CNTN4: variants seen among roughly 807,000 people sequenced by gnomAD.
CNTN4 encodes contactin-4.
A neutral mutation model predicts 122.5 loss-of-function variants in CNTN4; 77 were observed. That is an observed-to-expected ratio of 0.63 (90% CI 0.52 to 0.76). CNTN4 has a LOEUF of 0.76. Among genes scored for constraint, CNTN4 ranks in the 30% least tolerant of loss-of-function variants. The probability of loss-of-function intolerance (pLI) is 0.00; values close to 1 mark genes in which losing one functional copy is unlikely to be tolerated. For missense variants in CNTN4, 1,256 were observed against 1,259.1 expected (o/e 1.00, Z 0.04); for synonymous variants, 512 against 447.0 (o/e 1.15, Z -1.83).
intron 3 of CNTN4, among the ~76,000 whole-genome samples, chr3:2,398,754 C>T (rs1416603512): frequency 2.6e-5 from 4 of 152,108 alleles, no homozygotes; most frequent in East Asian, 1.9e-4. Flanking sequence ...TGAGAGTTCC[C>T]TGAAACACTT....
intron 2 of CNTN4, among the ~76,000 whole-genome samples, chr3:2,320,997 T>C (rs1260865676): frequency 1.3e-5 from 2 of 152,160 alleles, no homozygotes; most frequent in Non-Finnish European, 2.9e-5. Context: ...CATTAGGATC[T>C]CATGGGAGAG....
chr3:3,023,863 C>T (rs1278482820), intron 14 of CNTN4, among the ~76,000 whole-genome samples: 2 of 152,196 alleles, frequency 1.3e-5, no homozygotes, highest in African/African-American at 4.8e-5. Flanking sequence ...AGACTTATTC[C>T]TGCATGATTT....
intron 7 of CNTN4, among the ~76,000 whole-genome samples, chr3:2,820,847 G>C (rs1468288117): frequency 6.6e-6 from 1 of 151,144 alleles, no homozygotes; most frequent in Non-Finnish European, 1.5e-5. Context: ...CGATCACTTT[G>C]TGGAGACTCA....
At chr3:2,757,610 T>A (rs2090397132) in intron 6 of CNTN4, among the ~76,000 whole-genome samples, 1 of 152,214 alleles carries the variant, frequency 6.6e-6, no homozygotes. Flanking sequence ...CTCTTCGCAG[T>A]CAGCACCTTT....
intron 3 of CNTN4, among the ~76,000 whole-genome samples, chr3:2,535,356 T>C (rs1234847592): frequency 6.6e-6 from 1 of 152,186 alleles, no homozygotes; most frequent in Admixed American, 6.5e-5. Context: ...CTTACTGATA[T>C]CTGTCTTCAC....
At chr3:2,749,343 T>TTG in intron 6 of CNTN4, among the ~76,000 whole-genome samples, 1 of 150,774 alleles carries the variant, frequency 6.6e-6, no homozygotes, top group Non-Finnish European at 1.5e-5. Context: ...TTTTTTTTTT[T>TTG]TGTATTTTTA....
Position 2,374,732 on chromosome 3 carries a change from G to A in CNTN4, c.-89+35499G>A, listed in dbSNP as rs13100995. Reference sequence around the variant, plus strand: ...ATTCATTAAACACACTGACCACGAGGAAATTAAAAAGTATTGAATTCCAAA... The same window carrying A: ...ATTCATTAAACACACTGACCACGAGAAAATTAAAAAGTATTGAATTCCAAA... On this transcript the variant is annotated intron_variant, in intron 3 of 24. Transcript: ENST00000418658. Among the ~76,000 whole-genome samples the A allele has an allele frequency of 7.4e-3, 1,126 of 152,210 alleles. 6 individuals are homozygous for A. Among genetic ancestry groups the A allele is most frequent in the Non-Finnish European group, 0.012 (813 of 68,010 alleles).
chr3:2,445,299 G>A (rs1256155959), intron 3 of CNTN4, among the ~76,000 whole-genome samples: 1 of 152,104 alleles, frequency 6.6e-6, no homozygotes, highest in African/African-American at 2.4e-5. Flanking sequence ...CTGGTTAGAG[G>A]AGGACCTGCA....
At chr3:2,921,153 T>C (rs932838004) in intron 12 of CNTN4, among the ~76,000 whole-genome samples, 2 of 152,170 alleles carry the variant, frequency 1.3e-5, no homozygotes, top group Non-Finnish European at 2.9e-5. Context: ...TCTTCTCACC[T>C]CAGCTTTCCA....
intron 2 of CNTN4, among the ~76,000 whole-genome samples, chr3:2,111,413 C>T (rs1250259503): frequency 6.6e-6 from 1 of 152,074 alleles, no homozygotes; most frequent in East Asian, 1.9e-4. Context: ...TTGTAGGTTT[C>T]TTATAATGTG....
intron 6 of CNTN4, among the ~76,000 whole-genome samples, chr3:2,798,625 TC>T (rs1364313654): frequency 2.0e-5 from 3 of 152,116 alleles, no homozygotes; most frequent in Non-Finnish European, 4.4e-5. Context: ...TCCTCCCACT[TC>T]AAACTCCCAA....
chr3:2,400,420 TATATATAC>T (rs1373629557), intron 3 of CNTN4, among the ~76,000 whole-genome samples: 2 of 56,964 alleles, frequency 3.5e-5, no homozygotes, highest in East Asian at 4.0e-4. Context: ...TATATATATA[TATATATAC>T]ATATATATAT....
chr3:2,108,165 C>CT (rs55760208), intron 2 of CNTN4, among the ~76,000 whole-genome samples: 1,820 of 124,026 alleles, frequency 0.015, 42 homozygotes, highest in African/African-American at 0.05. Flanking sequence ...TGTGCCTTTT[C>CT]TTTTTTTTTT....
rs141008782 is a variant in CNTN4 at position 2,385,604 on chromosome 3, C to T, written c.-89+46371C>T. 2.0e-5 allele frequency among the ~76,000 whole-genome samples: 3 copies of T among 152,084 alleles called. No individual in the cohort carries two copies. Among genetic ancestry groups the T allele is most frequent in the Non-Finnish European group, 4.4e-5 (3 of 68,040 alleles). On this transcript the variant is annotated intron_variant, in intron 3 of 24. Transcript: ENST00000418658. This position sits in a 1 kb window ranked among gnomAD's most constrained non-coding sequence, Gnocchi z 4.0. The stretch of plus-strand genomic sequence containing the variant: ...TGTAACCTCTAGGGGAGGGTCGCAT[C>T]TCTCAGCTTCTGTTAGCCCCAGTTG...
chr3:2,127,347 C>T (rs2034225408), intron 2 of CNTN4, among the ~76,000 whole-genome samples: 1 of 152,044 alleles, frequency 6.6e-6, no homozygotes, highest in Non-Finnish European at 1.5e-5. Flanking sequence ...GGGTGCCGCT[C>T]CTCCCTTTTA....
intron 3 of CNTN4, among the ~76,000 whole-genome samples, chr3:2,382,704 G>C (rs1357668290): frequency 6.6e-6 from 1 of 152,196 alleles, no homozygotes; most frequent in Non-Finnish European, 1.5e-5. Context: ...AGGTATGCCA[G>C]TGCTGTGAGT....
intron 2 of CNTN4, among the ~76,000 whole-genome samples, chr3:2,277,512 G>T (rs1239647285): frequency 1.3e-5 from 2 of 152,070 alleles, no homozygotes; most frequent in Admixed American, 1.3e-4. Flanking sequence ...TCTTACCATT[G>T]TTTTATTTTT....
intron 3 of CNTN4, among the ~76,000 whole-genome samples, chr3:2,470,030 TTCTATAA>T (rs1234639090): frequency 6.6e-6 from 1 of 152,122 alleles, no homozygotes; most frequent in Non-Finnish European, 1.5e-5. Context: ...CTTTTCAAGG[TTCTATAA>T]CATTTCTTTG....
At chr3:2,198,624 A>C (rs1389203029) in intron 2 of CNTN4, among the ~76,000 whole-genome samples, 3 of 152,204 alleles carry the variant, frequency 2.0e-5, no homozygotes, top group African/African-American at 7.2e-5. Flanking sequence ...TCAAGAAGAA[A>C]AAGAGAGTAT....
Sources: gnomAD v4.1 joint callset for allele counts (sites outside exome capture counted in the v4.1 genomes callset) on GRCh38, gnomAD v4.1.1 for gene constraint, Gnocchi (gnomAD v3.1) non-coding constraint, MANE v1.5 for transcripts, NCBI Gene and HGNC (gene_info 2026-07-23, HGNC 2026-07-21) for gene names.